FHL2: variants seen among roughly 807,000 people sequenced by gnomAD.
FHL2 encodes the protein four and a half LIM domains protein 2.
In FHL2, 20 loss-of-function variants were observed where a neutral mutation model predicts 32.7. That is an observed-to-expected ratio of 0.61 (90% CI 0.43 to 0.89). FHL2 has a LOEUF of 0.89. Ranked by LOEUF, FHL2 falls within the 40% of genes least tolerant of loss-of-function variation. The pLI, the probability that FHL2 is intolerant of heterozygous loss-of-function variation, is 0.00. For missense variants in FHL2, 311 were observed against 358.6 expected, an observed-to-expected ratio of 0.87 and a Z score of 1.07; for synonymous variants, 123 against 128.1, an observed-to-expected ratio of 0.96 and a Z score of 0.27.
In FHL2 at chr2:105,373,597, G is replaced by A. The variant is rs982423684; in HGVS notation, c.293C>T (p.Ser98Leu). 4.3e-6 allele frequency: 7 copies of A among 1,614,096 alleles called. No homozygotes were observed. Among genetic ancestry groups the A allele is most frequent in the Non-Finnish European group, 5.1e-6 (6 of 1,180,040 alleles). ...LCTDCYSNEY[S>L]SKCQECKKTI... is the part of the protein sequence containing the mutation. ...CTTCTTGCATTCCTGGCACTTGGAT[G>A]AGTACTCGTTGGAATAGCAGTCTGT... Residue 98 changes from serine to leucine, a missense_variant, in exon 4 of 7, where the codon TCA becomes TTA. Transcript: ENST00000530340.
At chr2:105,392,300 C>T (rs942906153) in intron 2 of FHL2, among the ~76,000 whole-genome samples, 2 of 152,110 alleles carry the variant, frequency 1.3e-5, no homozygotes, top group Non-Finnish European at 2.9e-5. Context: ...TGGAGAAACC[C>T]CATCTCTACA....
At chr2:105,373,528 G>C (rs1558689709) in intron 4 of FHL2, 31 bp downstream of exon 4, 1 of 1,612,994 alleles carries the variant, frequency 6.2e-7, no homozygotes, top group Non-Finnish European at 8.5e-7. Flanking sequence ...AGCTAGACTG[G>C]CTCACGCATG....
chr2:105,426,188 C>G (rs920756434), intron 1 of FHL2, among the ~76,000 whole-genome samples: 3 of 152,140 alleles, frequency 2.0e-5, no homozygotes, highest in African/African-American at 7.2e-5. Flanking sequence ...GTGCTCTTAG[C>G]TCTTGGAAAA....
At chr2:105,407,521 A>C (rs972354916) in intron 1 of FHL2, among the ~76,000 whole-genome samples, 1 of 152,072 alleles carries the variant, frequency 6.6e-6, no homozygotes, top group Admixed American at 6.6e-5. Context: ...CAGTCGAGTT[A>C]TCTGGGCTTT....
chr2:105,434,340 G>C (rs11124033), intron 1 of FHL2, among the ~76,000 whole-genome samples: 1 of 152,072 alleles, frequency 6.6e-6, no homozygotes, highest in Non-Finnish European at 1.5e-5. Context: ...GGGAGGCTGA[G>C]GTGGGCGGAT....
chr2:105,416,092 G>T (rs554956486), intron 1 of FHL2, among the ~76,000 whole-genome samples: 1 of 151,918 alleles, frequency 6.6e-6, no homozygotes, highest in South Asian at 2.1e-4. Context: ...AATCCCAAAG[G>T]GCTTTTGTTT....
intron 4 of FHL2, among the ~76,000 whole-genome samples, chr2:105,372,192 G>A (rs2104526626): frequency 6.6e-6 from 1 of 151,656 alleles, no homozygotes; most frequent in African/African-American, 2.4e-5. Flanking sequence ...TTACCTCCTT[G>A]CCTTTTTAAA....
intron 4 of FHL2, among the ~76,000 whole-genome samples, chr2:105,371,882 G>A (rs1450842328): frequency 6.6e-6 from 1 of 152,144 alleles, no homozygotes; most frequent in African/African-American, 2.4e-5. Flanking sequence ...CAGGACACAG[G>A]TCAGCCTGGC....
chr2:105,376,588 A>G (rs753993298), intron 3 of FHL2: 8 of 152,260 alleles, frequency 5.3e-5, no homozygotes, highest in Non-Finnish European at 8.8e-5. Flanking sequence ...CATTAAGAAT[A>G]AATTTTGTGT....
chr2:105,433,062 C>G (rs534225039), intron 1 of FHL2, among the ~76,000 whole-genome samples: 1 of 152,288 alleles, frequency 6.6e-6, no homozygotes, highest in East Asian at 1.9e-4. Context: ...TGCTAGCTCT[C>G]AGGGTTTAAC....
chr2:105,418,882 C>A (rs372489740), intron 1 of FHL2, among the ~76,000 whole-genome samples: 11 of 152,098 alleles, frequency 7.2e-5, no homozygotes, highest in Non-Finnish European at 1.5e-4. Context: ...TAATCTCTTA[C>A]GGTGACTAGT....
chr2:105,368,672 A>T (rs1680808124), intron 4 of FHL2, among the ~76,000 whole-genome samples: 1 of 152,152 alleles, frequency 6.6e-6, no homozygotes, highest in Non-Finnish European at 1.5e-5. Context: ...AGCTGGACTC[A>T]CTGCAAGTGC....
intron 2 of FHL2, 138 bp from the exon 3 acceptor site, chr2:105,386,678 C>T (rs1265321470): frequency 7.4e-6 from 5 of 671,332 alleles, no homozygotes; most frequent in African/African-American, 1.8e-5. Context: ...TTAAAACTCA[C>T]CCTTTAATCG....
chr2:105,403,440 A>G (rs1683533500), upstream of FHL2, among the ~76,000 whole-genome samples: 1 of 152,216 alleles, frequency 6.6e-6, no homozygotes, highest in Non-Finnish European at 1.5e-5. Context: ...TCTTGAGACA[A>G]CACTGCCCAT....
chr2:105,433,627 G>A (rs1001227395), intron 1 of FHL2, among the ~76,000 whole-genome samples: 1 of 152,000 alleles, frequency 6.6e-6, no homozygotes, highest in Non-Finnish European at 1.5e-5. Flanking sequence ...TCAGTGCCTC[G>A]GCGTCCTCAC....
At chr2:105,399,275 T>C (rs1467877827), upstream of FHL2, 30 of 1,535,668 alleles carry the variant, frequency 2.0e-5, no homozygotes, top group Non-Finnish European at 2.6e-5. Context: ...GGGAGCACAG[T>C]AGTTATCGGG....
intron 4 of FHL2, among the ~76,000 whole-genome samples, chr2:105,368,805 A>G (rs562506582): frequency 6.6e-6 from 1 of 152,362 alleles, no homozygotes; most frequent in South Asian, 2.1e-4. Flanking sequence ...GCAAAGGTAA[A>G]GAACAATCTG....
chr2:105,415,854 G>T (rs1264919947), intron 1 of FHL2, among the ~76,000 whole-genome samples: 2 of 152,160 alleles, frequency 1.3e-5, no homozygotes, highest in Non-Finnish European at 2.9e-5. Flanking sequence ...CCCATGGTGG[G>T]AAAATGGCCC....
chr2:105,436,008 C>T (rs1558738553), intron 1 of FHL2, among the ~76,000 whole-genome samples: 1 of 152,102 alleles, frequency 6.6e-6, no homozygotes, highest in Non-Finnish European at 1.5e-5. Flanking sequence ...TTAACTATAA[C>T]AAAAGTCCTG....
Sources: gnomAD v4.1 joint callset for allele counts (sites outside exome capture counted in the v4.1 genomes callset) on GRCh38, gnomAD v4.1.1 for gene constraint, MANE v1.5 for transcripts, NCBI Gene and HGNC (gene_info 2026-07-23, HGNC 2026-07-21) for gene names.